Variants in PCSK5 observed in about 807,000 individuals in gnomAD.
PCSK5 encodes prohormone convertase 5.
Under a neutral mutation model 233.2 loss-of-function variants are expected in PCSK5, and 129 were observed. The ratio of observed to expected loss-of-function variants is 0.55; its 90% CI spans 0.48 to 0.64. The LOEUF is 0.64. PCSK5 is among the 30% of genes least tolerant of loss of function. The probability of loss-of-function intolerance (pLI) is 0.00; values close to 1 mark genes in which losing one functional copy is unlikely to be tolerated. For missense variants in PCSK5, 2,076 were observed against 2,430.1 expected (o/e 0.85, Z 3.06); for synonymous variants, 825 against 879.2 (o/e 0.94, Z 1.09).
chr9:76,248,397 C>A (rs560061669), intron 24 of PCSK5, among the ~76,000 whole-genome samples: 1 of 151,936 alleles, frequency 6.6e-6, no homozygotes, highest in East Asian at 1.9e-4. Flanking sequence ...TATTTTAAAT[C>A]CATGCATCAA....
intron 5 of PCSK5, among the ~76,000 whole-genome samples, chr9:76,064,245 T>C (rs1201628019): frequency 1.9e-4 from 12 of 62,574 alleles, no homozygotes; most frequent in African/African-American, 1.8e-4. Context: ...GACCCCCCCA[T>C]CTCCCTCCTG....
At chr9:76,328,490 T>A (rs1179529426) in intron 33 of PCSK5, among the ~76,000 whole-genome samples, 2 of 152,094 alleles carry the variant, frequency 1.3e-5, no homozygotes, top group Non-Finnish European at 2.9e-5. Context: ...GTGGGCTCTC[T>A]CCCCCCTTCT....
chr9:76,008,483 A>G (rs1587490683), intron 3 of PCSK5, among the ~76,000 whole-genome samples: 1 of 149,906 alleles, frequency 6.7e-6, no homozygotes, highest in East Asian at 2.0e-4. Flanking sequence ...TTTTTTTGAG[A>G]TGGAGTCTCG....
intron 22 of PCSK5, among the ~76,000 whole-genome samples, chr9:76,237,774 C>CA (rs1007106186): frequency 2.5e-4 from 38 of 151,074 alleles, no homozygotes; most frequent in Admixed American, 1.1e-3. Flanking sequence ...GACCCTGTCT[C>CA]AAAAAAAAGA....
rs370595968 is a variant in PCSK5 at position 76,323,094 on chromosome 9, A to G, written c.4145A>G (p.Gln1382Arg). Reference sequence around the variant, plus strand: ...TTCCTGCACGATGATATGTGCCACCAGTCCTGTCCCCGTGGCTTCTATGCA... The same window carrying G: ...TTCCTGCACGATGATATGTGCCACCGGTCCTGTCCCCGTGGCTTCTATGCA... ...EFFLHDDMCH[Q>R]SCPRGFYADS... Residue 1382 changes from glutamine to arginine, a missense_variant, in exon 32 of 38, where the codon CAG becomes CGG. Gln to Arg is a conservative substitution (Grantham distance 43). Around this residue, in one of 6 missense-constraint regions of PCSK5, gnomAD observed 1,510 missense variants for 1,538.1 expected, o/e 0.98. Coordinates refer to ENST00000674117, the MANE Select transcript of PCSK5 (RefSeq NM_001372043.1). The G allele has an allele frequency of 7.7e-4, 1,248 of 1,610,350 alleles. 3 individuals carry two copies. The highest frequency in any genetic ancestry group is 2.1e-3 in the South Asian group (188 of 90,548).
At chr9:76,272,620 A>G (rs1030779040) in intron 24 of PCSK5, among the ~76,000 whole-genome samples, 1 of 151,166 alleles carries the variant, frequency 6.6e-6, no homozygotes, top group African/African-American at 2.4e-5. Context: ...CTAAAATACA[A>G]AAAAATTAGC....
Position 76,023,773 on chromosome 9 carries a change from C to T in PCSK5, c.447C>T (p.Asp149=), listed in dbSNP as rs111544516. Residue 149 remains aspartate, a synonymous_variant, in exon 4 of 38, where the codon GAC becomes GAT. Transcript: ENST00000674117. The stretch of plus-strand genomic sequence containing the variant: ...ACAATACACATCCCTGCCAGTCTGA[C>T]ATGAATATCGAAGGAGCCTGGAAGA... ...CSDNTHPCQS[D]MNIEGAWKRG... is the part of the protein sequence containing the mutation. The T allele has an allele frequency of 8.9e-4, 1,432 of 1,613,120 alleles. 9 individuals are homozygous for T. In the African/African-American group the frequency reaches 0.017, roughly 19 times the overall value.
intron 5 of PCSK5, among the ~76,000 whole-genome samples, chr9:76,056,360 A>G (rs1463999585): frequency 6.6e-6 from 1 of 152,192 alleles, no homozygotes; most frequent in African/African-American, 2.4e-5. Flanking sequence ...TTCCATCCAC[A>G]TTAACAGATA....
chr9:75,896,091 G>A (rs532885005), intron 1 of PCSK5, among the ~76,000 whole-genome samples: 4 of 152,190 alleles, frequency 2.6e-5, no homozygotes, highest in Admixed American at 1.3e-4. Context: ...CTTTGCACAG[G>A]GCAACTCTTC....
intron 5 of PCSK5, among the ~76,000 whole-genome samples, chr9:76,034,030 A>G (rs1018942490): frequency 2.0e-5 from 3 of 152,230 alleles, no homozygotes; most frequent in Admixed American, 6.5e-5. Context: ...ATTTCTATAC[A>G]TACAGGTTCA....
At chr9:76,032,035 C>T (rs753928081) in intron 5 of PCSK5, among the ~76,000 whole-genome samples, 10 of 152,144 alleles carry the variant, frequency 6.6e-5, no homozygotes, top group Admixed American at 5.2e-4. Context: ...GGCTCTTTTC[C>T]GTCTACAGTA....
chr9:76,242,097 C>G (rs1426174347), intron 24 of PCSK5, among the ~76,000 whole-genome samples: 1 of 152,092 alleles, frequency 6.6e-6, no homozygotes. Flanking sequence ...TTTTTTCTTA[C>G]TAATACATAA....
At chr9:76,051,744 C>T (rs931286902) in intron 5 of PCSK5, among the ~76,000 whole-genome samples, 5 of 152,172 alleles carry the variant, frequency 3.3e-5, no homozygotes, top group Admixed American at 6.5e-5. Flanking sequence ...AGAATGACTA[C>T]TTTCTGTATA....
At chr9:76,202,793 T>TTATGATAAA (rs1162298717) in intron 20 of PCSK5, among the ~76,000 whole-genome samples, 1 of 152,232 alleles carries the variant, frequency 6.6e-6, no homozygotes, top group Non-Finnish European at 1.5e-5. Flanking sequence ...TATATTAATT[T>TTATGATAAA]TATGATAAAT....
intron 5 of PCSK5, among the ~76,000 whole-genome samples, chr9:76,067,517 A>C (rs1830327304): frequency 6.6e-6 from 1 of 152,336 alleles, no homozygotes; most frequent in East Asian, 1.9e-4. Flanking sequence ...ACAATTTAAA[A>C]AGCAGATTCT....
intron 1 of PCSK5, among the ~76,000 whole-genome samples, chr9:75,914,830 A>AG (rs1361431857): frequency 6.6e-6 from 1 of 152,160 alleles, no homozygotes; most frequent in African/African-American, 2.4e-5. Context: ...TAGCATGTGT[A>AG]GGTATATGGC....
At position 76,106,717 on chromosome 9, in the gene PCSK5, G is replaced by A. The variant is rs545119008; in HGVS notation, c.1108-534G>A. 5.3e-4 allele frequency among the ~76,000 whole-genome samples: 81 copies of A among 152,310 alleles called. 1 individual carries two copies. Among genetic ancestry groups the A allele is most frequent in the Non-Finnish European group, 3.8e-4 (26 of 68,028 alleles). Reference sequence around the variant, plus strand: ...ACATTTCTATTGATTCTAGAAACAGGTCCACAACCAAAGGTTCTTTCTACA... The same window carrying A: ...ACATTTCTATTGATTCTAGAAACAGATCCACAACCAAAGGTTCTTTCTACA... On this transcript the variant is annotated intron_variant, in intron 8 of 37. Transcript: ENST00000674117.
chr9:76,139,262 G>A (rs983216926), intron 10 of PCSK5, among the ~76,000 whole-genome samples: 1 of 152,082 alleles, frequency 6.6e-6, no homozygotes, highest in Non-Finnish European at 1.5e-5. Flanking sequence ...GTGCTTTTGA[G>A]TTGTGTTTTG....
At chr9:76,193,200 T>TTCAAC in intron 20 of PCSK5, 1 of 1,603,604 alleles carries the variant, frequency 6.2e-7, no homozygotes, top group East Asian at 2.2e-5. Flanking sequence ...TGCTCTCGTC[T>TTCAAC]TCAACTCCCC....
Sources: gnomAD v4.1 joint callset for allele counts (sites outside exome capture counted in the v4.1 genomes callset) on GRCh38, gnomAD v4.1.1 for gene constraint, gnomAD v4.1.1 regional missense constraint, MANE v1.5 for transcripts, NCBI Gene and HGNC (gene_info 2026-07-23, HGNC 2026-07-21) for gene names.